Variants in SENP1 observed in about 807,000 individuals in gnomAD.
The protein encoded by SENP1 is sentrin-specific protease 1.
SENP1 carries 21 observed loss-of-function variants against 93.0 expected under a neutral mutation model. That is an observed-to-expected ratio of 0.23 (90% CI 0.16 to 0.33). The LOEUF (loss-of-function observed/expected upper bound fraction) is 0.33. Ranked by LOEUF, SENP1 falls within the 10% of genes least tolerant of loss-of-function variation. SENP1 has a pLI of 1.00. For missense variants in SENP1, 591 were observed against 758.7 expected (o/e 0.78, Z 2.60); for synonymous variants, 256 against 259.6 (o/e 0.99, Z 0.13).
chr12:48,072,902 C>T (rs1943808022), intron 8 of SENP1, among the ~76,000 whole-genome samples: 1 of 151,864 alleles, frequency 6.6e-6, no homozygotes, highest in Non-Finnish European at 1.5e-5. Context: ...CATATCCTCC[C>T]CCCACAGATA....
intron 6 of SENP1, chr12:48,081,570 G>GTTTTTTTTT (rs397962697): frequency 2.5e-5 from 3 of 119,336 alleles, no homozygotes; most frequent in East Asian, 2.3e-4. Flanking sequence ...GTGTTTTTTC[G>GTTTTTTTTT]TTTTTTTTTT....
intron 6 of SENP1, among the ~76,000 whole-genome samples, chr12:48,075,190 T>C (rs2094349241): frequency 6.7e-6 from 1 of 150,280 alleles, no homozygotes; most frequent in Non-Finnish European, 1.5e-5. Context: ...CACTCCAGCC[T>C]GGGGGCAGAG....
At chr12:48,074,650 G>T in intron 7 of SENP1, 40 bp downstream of exon 7, 1 of 1,606,590 alleles carries the variant, frequency 6.2e-7, no homozygotes, top group South Asian at 1.1e-5. Flanking sequence ...GTAATAAATT[G>T]TAGAATTAAA....
chr12:48,078,352 TACACACAC>T (rs200961396), intron 6 of SENP1, among the ~76,000 whole-genome samples: 28 of 137,006 alleles, frequency 2.0e-4, no homozygotes, highest in Middle Eastern at 3.7e-3. Context: ...CATATATATA[TACACACAC>T]ACACATACAC....
In SENP1 at chr12:48,045,288, C is replaced by A. The variant is rs1034162902; in HGVS notation, c.*34G>T. ...CTGTAGACAACAAAGAGCTGGTCCCCCACATGGTCAAGGTCTGCTAAGTGA... is the reference window on the plus strand; with the variant it reads ...CTGTAGACAACAAAGAGCTGGTCCCACACATGGTCAAGGTCTGCTAAGTGA... On this transcript the variant is annotated 3_prime_UTR_variant, in exon 18 of 18. Coordinates refer to ENST00000549518, the MANE Select transcript of SENP1 (RefSeq NM_001267594.2). The A allele has an allele frequency of 5.0e-6, 8 of 1,587,704 alleles. No individual in the cohort carries two copies. In the South Asian group the frequency reaches 8.9e-5, roughly 18 times the overall value.
Position 48,096,384 on chromosome 12 carries a change from C to T in SENP1, c.179G>A (p.Cys60Tyr). 1 of 1,610,720 alleles carries T rather than the reference C, an allele frequency of 6.2e-7. No individual in the cohort carries two copies. The highest frequency in any genetic ancestry group is 8.5e-7 in the Non-Finnish European group (1 of 1,177,350). The change falls in exon 4 of 18, where the codon TGT becomes TAT. Residue 60 changes from cysteine (C) to tyrosine (Y), a missense_variant. Around this residue, in one of 4 missense-constraint regions of SENP1, gnomAD observed 214 missense variants for 243.4 expected, o/e 0.88. Coordinates refer to ENST00000549518, the MANE Select transcript of SENP1 (RefSeq NM_001267594.2). ...RQGHLDRSFT[C>Y]STRSAAYNPS... The stretch of plus-strand genomic sequence containing the variant: ...ATTATAAGCTGCACTTCTTGTGGAA[C>T]ATGTAAAAGATCGGTCCAAATGTCC...
intron 9 of SENP1, among the ~76,000 whole-genome samples, chr12:48,068,538 C>T (rs1026906369): frequency 7.2e-5 from 11 of 152,128 alleles, no homozygotes; most frequent in African/African-American, 2.4e-4. Context: ...GATTAGAAAT[C>T]TTATCTGTCC....
Position 48,074,615 on chromosome 12 carries a change from G to T in SENP1, c.657-8C>A. ...GAACTAAGACATCGAGACCTAGCAAGAGAAGAATATTGTTTCAATATCAAG... is the reference window on the plus strand; with the variant it reads ...GAACTAAGACATCGAGACCTAGCAATAGAAGAATATTGTTTCAATATCAAG... On this transcript the variant is annotated splice_polypyrimidine_tract_variant and splice_region_variant and intron_variant, in intron 7 of 17. Coordinates refer to ENST00000549518, the MANE Select transcript of SENP1 (RefSeq NM_001267594.2). 1 of 1,610,360 alleles carries T rather than the reference G, an allele frequency of 6.2e-7. No individual in the cohort carries two copies. The highest frequency in any genetic ancestry group is 8.5e-7 in the Non-Finnish European group (1 of 1,177,606).
chr12:48,049,161 T>C (rs377015164), intron 13 of SENP1, 29 bp from the exon 14 acceptor site: 49 of 1,552,680 alleles, frequency 3.2e-5, no homozygotes, highest in Non-Finnish European at 3.8e-5. Flanking sequence ...CCTATTAGAA[T>C]AGACACTCAG....
intron 5 of SENP1, among the ~76,000 whole-genome samples, chr12:48,084,401 G>A (rs545305193): frequency 6.7e-6 from 1 of 148,954 alleles, no homozygotes; most frequent in South Asian, 2.1e-4. Flanking sequence ...GAAGAATATT[G>A]TGAACTCAAA....
intron 4 of SENP1, chr12:48,089,344 G>T: frequency 7.5e-7 from 1 of 1,324,978 alleles, no homozygotes; most frequent in South Asian, 1.2e-5. Flanking sequence ...GGGCCAGTGA[G>T]AATTGTAATT....
Position 48,083,773 on chromosome 12 carries a change from A to G in SENP1, c.381-11T>C. ...CTGTTTGATAATCCACTAAAAAAAG[A>G]GTTTGTAAGAAAGATAAGAACAGAT... On this transcript the variant is annotated splice_polypyrimidine_tract_variant and intron_variant, in intron 5 of 17. Transcript: ENST00000549518. The G allele has an allele frequency of 2.5e-6, 4 of 1,581,070 alleles. No individual in the cohort carries two copies. Among genetic ancestry groups the G allele is most frequent in the Non-Finnish European group, 3.4e-6 (4 of 1,163,910 alleles).
chr12:48,085,165 A>G (rs538100168), intron 5 of SENP1: 1 of 1,448,516 alleles, frequency 6.9e-7, no homozygotes, highest in African/African-American at 1.4e-5. Context: ...TGCCACCCCA[A>G]TTTCCTGGTG....
At position 48,063,697 on chromosome 12, in the gene SENP1, G is replaced by T. The variant is rs772944739; in HGVS notation, c.1407+13C>A. 6.2e-7 allele frequency: 1 copy of T among 1,600,990 alleles called. No homozygotes were observed. The highest frequency in any genetic ancestry group is 8.5e-7 in the Non-Finnish European group (1 of 1,173,170). ...TGTTTACTATTTGTATGTAAAAATAGATGCAACATTACCTCATCATTGAGC... is the reference window on the plus strand; with the variant it reads ...TGTTTACTATTTGTATGTAAAAATATATGCAACATTACCTCATCATTGAGC... On this transcript the variant is annotated intron_variant, in intron 13 of 17. Transcript: ENST00000549518.
At chr12:48,078,340 C>CAT (rs58090935) in intron 6 of SENP1, among the ~76,000 whole-genome samples, 13,567 of 82,534 alleles carry the variant, frequency 0.16, 1,526 homozygotes, top group East Asian at 0.26. Context: ...TATATACACA[C>CAT]ACATATATAT....
intron 6 of SENP1, among the ~76,000 whole-genome samples, chr12:48,082,184 C>A (rs565629691): frequency 6.6e-6 from 1 of 152,134 alleles, no homozygotes; most frequent in Non-Finnish European, 1.5e-5. Context: ...CCACCATGCC[C>A]GGCCTCAATA....
At chr12:48,093,615 GA>G (rs1945355621) in intron 4 of SENP1, among the ~76,000 whole-genome samples, 2 of 150,584 alleles carry the variant, frequency 1.3e-5, no homozygotes, top group African/African-American at 2.4e-5. Context: ...AATGAGATGT[GA>G]AAAAAAATTT....
At chr12:48,047,917 G>T in intron 15 of SENP1, 84 bp downstream of exon 15, 1 of 813,284 alleles carries the variant, frequency 1.2e-6, no homozygotes, top group South Asian at 1.5e-5. Context: ...CTCCATTGAA[G>T]GTATCAAACA....
At position 48,098,057 on chromosome 12, in the gene SENP1, G is replaced by T; in HGVS notation, c.72C>A (p.Phe24Leu). The change falls in exon 3 of 18, where the codon TTC (phenylalanine) becomes TTA (leucine). Residue 24 changes from phenylalanine to leucine, a missense_variant. Physicochemically the swap from Phe to Leu is conservative, Grantham distance 22. Transcript: ENST00000549518. ...CTGTTTGTGGCAGGAGGTGGGTTTT[G>T]AATACGGAGTTGTGGTTCACTAAAG... ...EVTLVNHNSV[F>L]KTHLLPQTGF... The T allele has an allele frequency of 3.1e-6, 5 of 1,613,634 alleles. No homozygotes were observed. Among genetic ancestry groups the T allele is most frequent in the South Asian group, 1.1e-5 (1 of 90,992 alleles).
Sources: gnomAD v4.1 joint callset for allele counts (sites outside exome capture counted in the v4.1 genomes callset) on GRCh38, gnomAD v4.1.1 for gene constraint, gnomAD v4.1.1 regional missense constraint, MANE v1.5 for transcripts, NCBI Gene and HGNC (gene_info 2026-07-23, HGNC 2026-07-21) for gene names.